PDE1A: variants seen among roughly 807,000 people sequenced by gnomAD.
The protein encoded by PDE1A is phosphodiesterase 1A, also known as dual specificity calcium/calmodulin-dependent 3',5'-cyclic nucleotide phosphodiesterase 1A.
Under a neutral mutation model 61.7 loss-of-function variants are expected in PDE1A, and 35 were observed. That is an observed-to-expected ratio of 0.57 (90% confidence interval 0.43 to 0.75). The LOEUF is 0.75. Ranked by LOEUF, PDE1A falls within the 30% of genes least tolerant of loss-of-function variation. PDE1A has a pLI of 0.00. For synonymous variants in PDE1A, 232 were observed against 213.2 expected (o/e 1.09, Z -0.77); for missense variants, 597 against 630.6 (o/e 0.95, Z 0.57).
the PDE1A span, among the ~76,000 whole-genome samples, chr2:182,626,487 C>A: frequency 6.6e-6 from 1 of 151,190 alleles, no homozygotes; most frequent in African/African-American, 2.4e-5. Flanking sequence ...TTATTTCAAA[C>A]ACATGTTGAA....
chr2:182,246,390 TTTTCTTTTTTC>T lies in PDE1A; in HGVS notation c.168-6109_168-6099del, dbSNP rs1481348674. Among the ~76,000 whole-genome samples the T allele has an allele frequency of 1.1e-4, 12 of 108,410 alleles. 1 individual carries two copies. Among genetic ancestry groups the T allele is most frequent in the Non-Finnish European group, 1.3e-4 (7 of 54,522 alleles). 71.1% of individuals were successfully genotyped at this position (108,410 alleles called of 152,430 possible). ...TGTCTTTTTATTCTACTATAGTCTT[TTTTCTTTTTTC>T]TTTCTTTTTTTTTTTTTTTTTTGAC... is the stretch of plus-strand genomic sequence containing the variant. On this transcript the variant is annotated intron_variant, in intron 2 of 13. Coordinates refer to ENST00000351439, the Ensembl canonical transcript of PDE1A.
chr2:182,472,107 G>A (rs1446030889), intron 2 of PDE1A, among the ~76,000 whole-genome samples: 1 of 151,940 alleles, frequency 6.6e-6, no homozygotes, highest in East Asian at 1.9e-4. Context: ...CACTGTTGGT[G>A]AGAATGTAAA....
intron 13 of PDE1A, among the ~76,000 whole-genome samples, chr2:182,157,586 G>T (rs970189498): frequency 6.6e-6 from 1 of 152,100 alleles, no homozygotes. Flanking sequence ...AGGAAAGTAA[G>T]TTTCCTTTGA....
intron 1 of PDE1A, among the ~76,000 whole-genome samples, chr2:182,389,357 T>C (rs1701290743): frequency 1.3e-5 from 2 of 152,276 alleles, no homozygotes; most frequent in Non-Finnish European, 2.9e-5. Context: ...GTTTTGAATA[T>C]ATGAGGTTGT....
chr2:182,300,404 T>C (rs1695162918), intron 1 of PDE1A, among the ~76,000 whole-genome samples: 1 of 152,124 alleles, frequency 6.6e-6, no homozygotes, highest in South Asian at 2.1e-4. Context: ...TTGCGATCAA[T>C]TGTTGGGAGT....
chr2:182,615,089 A>G, the PDE1A span, among the ~76,000 whole-genome samples: 13 of 152,214 alleles, frequency 8.5e-5, no homozygotes, highest in African/African-American at 2.9e-4. Flanking sequence ...ATCCAAATGC[A>G]TGCCATTTTC....
In PDE1A at chr2:182,230,289, C is replaced by T. The variant is rs545612445; in HGVS notation, c.535-143G>A. 10 of 615,802 alleles carry T rather than the reference C, an allele frequency of 1.6e-5. No homozygotes were observed. The African/African-American group carries it at 1.8e-4, about 11-fold the overall frequency. 38.1% of individuals were successfully genotyped at this position (615,802 alleles called of 1,614,324 possible). A position where few individuals can be genotyped will look rare whatever the true frequency, so the allele number is the denominator to read the frequency against. On this transcript the variant is annotated intron_variant, in intron 5 of 13. Transcript: ENST00000351439. Reference sequence around the variant, plus strand: ...GTCAAATGTTGATTGTTCTGAAAAACCACTTCATGAACATGTTAACTTTCA... The same window carrying T: ...GTCAAATGTTGATTGTTCTGAAAAATCACTTCATGAACATGTTAACTTTCA...
chr2:182,532,176 C>G, the PDE1A span, among the ~76,000 whole-genome samples: 1 of 151,952 alleles, frequency 6.6e-6, no homozygotes, highest in Non-Finnish European at 1.5e-5. Context: ...TGTTCTATAA[C>G]GCTGTAGGAT....
At chr2:182,284,155 A>T (rs992677725) in intron 1 of PDE1A, among the ~76,000 whole-genome samples, 3 of 152,112 alleles carry the variant, frequency 2.0e-5, no homozygotes, top group Non-Finnish European at 4.4e-5. Context: ...GAACAGAAGG[A>T]TATAACCTGA....
At chr2:182,398,976 C>T (rs1198532194) in intron 1 of PDE1A, among the ~76,000 whole-genome samples, 1 of 151,968 alleles carries the variant, frequency 6.6e-6, no homozygotes, top group East Asian at 1.9e-4. Context: ...AGTTTGTTAA[C>T]TATAAAGCAG....
chr2:182,509,488 C>T (rs1022094928), intron 2 of PDE1A, among the ~76,000 whole-genome samples: 2 of 152,084 alleles, frequency 1.3e-5, no homozygotes, highest in African/African-American at 4.8e-5. Flanking sequence ...CTGAGCCTTG[C>T]GTATTAAGTA....
intron 8 of PDE1A, among the ~76,000 whole-genome samples, chr2:182,203,506 AT>A (rs1332715235): frequency 9.8e-5 from 15 of 152,298 alleles, no homozygotes; most frequent in African/African-American, 3.1e-4. Context: ...TTCGCTGAAA[AT>A]ATGACAAGAC....
chr2:182,184,772 T>C (rs1236043273), intron 13 of PDE1A, among the ~76,000 whole-genome samples: 1 of 152,178 alleles, frequency 6.6e-6, no homozygotes, highest in African/African-American at 2.4e-5. Flanking sequence ...CCAAGGCCCA[T>C]CTTATTATCT....
the PDE1A span, among the ~76,000 whole-genome samples, chr2:182,621,910 AT>A: frequency 6.6e-6 from 1 of 152,174 alleles, no homozygotes; most frequent in African/African-American, 2.4e-5. Flanking sequence ...TTTATAATGC[AT>A]TTACTTAATA....
the PDE1A span, among the ~76,000 whole-genome samples, chr2:182,601,863 T>C: frequency 3.3e-5 from 5 of 152,190 alleles, no homozygotes; most frequent in African/African-American, 1.2e-4. Flanking sequence ...AGGACTTTTA[T>C]GGGCCCCAGA....
chr2:182,275,837 A>G (rs1308786030), intron 1 of PDE1A, among the ~76,000 whole-genome samples: 1 of 152,112 alleles, frequency 6.6e-6, no homozygotes, highest in Non-Finnish European at 1.5e-5. Flanking sequence ...ACCAGTCATA[A>G]CTTCTTACTG....
the PDE1A span, among the ~76,000 whole-genome samples, chr2:182,649,405 G>C: frequency 1.3e-5 from 2 of 152,104 alleles, no homozygotes; most frequent in African/African-American, 2.4e-5. Flanking sequence ...AACATAGAGA[G>C]ACGCAGGAAG....
the PDE1A span, among the ~76,000 whole-genome samples, chr2:182,561,903 T>C: frequency 6.6e-6 from 1 of 152,270 alleles, no homozygotes; most frequent in Non-Finnish European, 1.5e-5. Flanking sequence ...TGTACATTGA[T>C]TTTGTATCCT....
the PDE1A span, among the ~76,000 whole-genome samples, chr2:182,540,384 A>AAAGCAGC: frequency 1.0e-4 from 8 of 77,518 alleles, no homozygotes; most frequent in East Asian, 2.5e-3. Flanking sequence ...AAAAAAAAAA[A>AAAGCAGC]AGCAGCAGCA....
Sources: gnomAD v4.1 joint callset for allele counts (sites outside exome capture counted in the v4.1 genomes callset) on GRCh38, gnomAD v4.1.1 for gene constraint, MANE v1.5 for transcripts, NCBI Gene and HGNC (gene_info 2026-07-23, HGNC 2026-07-21) for gene names.